The following CLCN3 variants were observed in gnomAD, a reference collection of about 807,000 sequenced individuals.
The protein encoded by CLCN3 is H(+)/Cl(-) exchange transporter 3.
In CLCN3, 16 loss-of-function variants were observed where a neutral mutation model predicts 83.4. The observed-to-expected ratio is 0.19, with a 90% confidence interval of 0.13 to 0.29. The LOEUF is 0.29. Among genes scored for constraint, CLCN3 ranks in the 10% least tolerant of loss-of-function variants. The pLI, the probability that CLCN3 is intolerant of heterozygous loss-of-function variation, is 1.00. For synonymous variants in CLCN3, 322 were observed against 346.2 expected (o/e 0.93, Z 0.78); for missense variants, 544 against 1,006.0 (o/e 0.54, Z 6.21).
intron 1 of CLCN3, among the ~76,000 whole-genome samples, chr4:169,628,005 C>G (rs961364531): frequency 3.3e-5 from 5 of 152,092 alleles, no homozygotes; most frequent in Non-Finnish European, 7.4e-5. Context: ...CATAAATATA[C>G]CTAGTTTTTG....
chr4:169,657,299 T>TA (rs554219125), intron 2 of CLCN3, among the ~76,000 whole-genome samples: 127 of 152,144 alleles, frequency 8.3e-4, no homozygotes, highest in African/African-American at 2.7e-3. Flanking sequence ...TAAGTCTTTT[T>TA]AAAAAAAATT....
intron 9 of CLCN3, chr4:169,702,865 G>A (rs928566344): frequency 2.5e-5 from 6 of 242,016 alleles, no homozygotes; most frequent in South Asian, 4.9e-5. Context: ...GCAGGATCAC[G>A]CCCAGCCAAG....
chr4:169,703,915 T>C (rs1453583628), intron 9 of CLCN3, 83 bp from the exon 10 acceptor site: 5 of 1,328,240 alleles, frequency 3.8e-6, no homozygotes, highest in Non-Finnish European at 5.3e-6. Flanking sequence ...ATCAAAAGTG[T>C]TAGAAATAAA....
At chr4:169,703,156 A>G (rs1056702893) in intron 9 of CLCN3, among the ~76,000 whole-genome samples, 5 of 152,234 alleles carry the variant, frequency 3.3e-5, no homozygotes, top group African/African-American at 1.2e-4. Context: ...AAAATTTTCA[A>G]AGTATTGAGA....
At chr4:169,658,430 A>G (rs1730949434) in intron 2 of CLCN3, among the ~76,000 whole-genome samples, 1 of 152,208 alleles carries the variant, frequency 6.6e-6, no homozygotes, top group African/African-American at 2.4e-5. Flanking sequence ...GAGAGTGCCT[A>G]CAAATACCGG....
rs140275154 is a variant in CLCN3, at chr4:169,704,066, G to C, written c.1632G>C (p.Ala544=). 20 of 1,613,972 alleles carry C rather than the reference G, an allele frequency of 1.2e-5. No homozygotes were observed. In the African/African-American group the frequency reaches 2.3e-4, roughly 18 times the overall value. Residue 544 remains alanine, a synonymous_variant, in exon 10 of 13, where the codon GCG becomes GCC. Coordinates refer to ENST00000513761, the MANE Select transcript of CLCN3 (RefSeq NM_001829.4). ...TCGCAGGAAGGATTGTGGGGATTGC[G>C]GTGGAGCAGCTTGCCTACTATCACC... is the stretch of plus-strand genomic sequence containing the variant. ...GAIAGRIVGI[A]VEQLAYYHHD... is the part of the protein sequence containing the mutation.
intron 1 of CLCN3, among the ~76,000 whole-genome samples, chr4:169,621,797 T>G (rs915044244): frequency 1.3e-5 from 2 of 152,228 alleles, no homozygotes; most frequent in Non-Finnish European, 2.9e-5. Context: ...AGAGTTAATT[T>G]AGAAGATTTT....
chr4:169,705,832 A>G (rs1006338016), intron 10 of CLCN3, among the ~76,000 whole-genome samples: 14 of 152,112 alleles, frequency 9.2e-5, no homozygotes, highest in African/African-American at 3.4e-4. Context: ...TACAGTGGTA[A>G]TGGGGCCTGG....
At chr4:169,663,453 C>G in intron 2 of CLCN3, 1 of 256,384 alleles carries the variant, frequency 3.9e-6, no homozygotes, top group South Asian at 3.4e-5. Flanking sequence ...TCTCACCCTC[C>G]TTGGTACCTG....
intron 2 of CLCN3, among the ~76,000 whole-genome samples, chr4:169,659,731 T>A (rs1730986752): frequency 6.6e-6 from 1 of 152,074 alleles, no homozygotes; most frequent in African/African-American, 2.4e-5. Context: ...ATTTTTTTTT[T>A]ATTTTTAATA....
chr4:169,641,760 A>G (rs942772947), intron 2 of CLCN3, among the ~76,000 whole-genome samples: 1 of 152,218 alleles, frequency 6.6e-6, no homozygotes, highest in African/African-American at 2.4e-5. Flanking sequence ...GGTACACAAC[A>G]CAAATACAGG....
intron 1 of CLCN3, 55 bp from the exon 2 acceptor site, chr4:169,635,858 G>C: frequency 7.2e-7 from 1 of 1,389,188 alleles, no homozygotes; most frequent in Non-Finnish European, 9.6e-7. Flanking sequence ...TGTTAAACTA[G>C]ATGATTTTTA....
chr4:169,669,932 G>A (rs1212786275), intron 2 of CLCN3, among the ~76,000 whole-genome samples: 1 of 152,178 alleles, frequency 6.6e-6, no homozygotes, highest in Admixed American at 6.5e-5. Flanking sequence ...ACAGAGAAGT[G>A]TCTGTTAATA....
rs371015176 is a variant in CLCN3 at position 169,702,250 on chromosome 4, C to G, written c.1564-1748C>G. 2.0e-5 allele frequency among the ~76,000 whole-genome samples: 3 copies of G among 152,186 alleles called. No individual in the cohort carries two copies. In the East Asian group the frequency reaches 5.8e-4, roughly 29 times the overall value. On this transcript the variant is annotated intron_variant, in intron 9 of 12. Transcript: ENST00000513761. ...GGGGTTGGGAGGATGCCTGTCCTGC[C>G]CTGCTCATGCCTGACTAGCTACCTG...
At chr4:169,706,814 A>G (rs984281051) in intron 10 of CLCN3, 54 bp from the exon 11 acceptor site, 12 of 1,480,320 alleles carry the variant, frequency 8.1e-6, no homozygotes, top group African/African-American at 2.8e-5. Flanking sequence ...TTCTAATAAA[A>G]TGTAATGATG....
chr4:169,631,901 C>T (rs1342288951), intron 1 of CLCN3, among the ~76,000 whole-genome samples: 2 of 152,152 alleles, frequency 1.3e-5, no homozygotes, highest in Admixed American at 1.3e-4. Context: ...AGACCAATAT[C>T]GAGTTCCAAA....
intron 12 of CLCN3, among the ~76,000 whole-genome samples, chr4:169,718,295 C>G (rs1733502901): frequency 6.7e-6 from 1 of 150,140 alleles, no homozygotes; most frequent in Admixed American, 6.6e-5. Flanking sequence ...TTGTGGTAGT[C>G]TTATGGTAAA....
At chr4:169,679,622 A>G (rs1334085106) in intron 2 of CLCN3, among the ~76,000 whole-genome samples, 2 of 152,034 alleles carry the variant, frequency 1.3e-5, no homozygotes, top group African/African-American at 4.8e-5. Context: ...AGTGAGCGAG[A>G]CTCCGTCTGC....
chr4:169,704,963 T>G (rs1362903152), intron 10 of CLCN3, among the ~76,000 whole-genome samples: 1 of 152,212 alleles, frequency 6.6e-6, no homozygotes. Context: ...CACTTTCTTT[T>G]TAGCATTGTG....
Sources: gnomAD v4.1 joint callset for allele counts (sites outside exome capture counted in the v4.1 genomes callset) on GRCh38, gnomAD v4.1.1 for gene constraint, MANE v1.5 for transcripts, NCBI Gene and HGNC (gene_info 2026-07-23, HGNC 2026-07-21) for gene names.